The following HDX variants were observed in gnomAD, a reference collection of about 807,000 sequenced individuals.
The protein encoded by HDX is chromosome X open reading frame 43.
In HDX, 19 loss-of-function variants were observed where a neutral mutation model predicts 45.2. The ratio of observed to expected loss-of-function variants is 0.42; its 90% CI spans 0.29 to 0.62. The LOEUF is 0.62. HDX is among the 20% of genes least tolerant of loss of function. The probability of loss-of-function intolerance (pLI) is 0.20; values close to 1 mark genes in which losing one functional copy is unlikely to be tolerated. For missense variants in HDX, 532 were observed against 493.9 expected (o/e 1.08, Z -0.73); for synonymous variants, 188 against 172.8 (o/e 1.09, Z -0.69).
chrX:84,410,643 C>A (rs1008709999), intron 5 of HDX, among the ~76,000 whole-genome samples: 5 of 111,207 alleles, frequency 4.5e-5, no homozygotes, highest in African/African-American at 1.6e-4. Context: ...TGTTGTGTTT[C>A]GGCCACATTT....
intron 1 of HDX, among the ~76,000 whole-genome samples, chrX:84,489,339 C>A (rs2040852279): frequency 9.0e-6 from 1 of 111,606 alleles, no homozygotes; most frequent in Non-Finnish European, 1.9e-5. Flanking sequence ...GTTTAGTAAA[C>A]AAAACAACTG....
intron 5 of HDX, among the ~76,000 whole-genome samples, chrX:84,372,951 T>C: frequency 8.9e-6 from 1 of 112,025 alleles, no homozygotes; most frequent in Non-Finnish European, 1.9e-5. Context: ...GTATATAAAA[T>C]ACTCATAGTT....
chrX:84,403,714 A>G (rs1352671505), intron 5 of HDX, among the ~76,000 whole-genome samples: 2 of 112,112 alleles, frequency 1.8e-5, no homozygotes, highest in East Asian at 2.8e-4. Context: ...TTCAAAAATT[A>G]TGTACAATGT....
At chrX:84,390,874 T>G (rs991825172) in intron 5 of HDX, among the ~76,000 whole-genome samples, 1 of 111,758 alleles carries the variant, frequency 8.9e-6, no homozygotes, top group Non-Finnish European at 1.9e-5. Context: ...GGTACATGTA[T>G]TTGTTGCATG....
chrX:84,325,898 A>G (rs1324111203), intron 10 of HDX, among the ~76,000 whole-genome samples: 3 of 111,431 alleles, frequency 2.7e-5, no homozygotes, highest in Non-Finnish European at 5.7e-5. Context: ...ATTTTCAGAA[A>G]TTTCTTTGAA....
rs190497063 is a variant in HDX, at chrX:84,364,980, A to G, written c.1306-3368T>C. Among the ~76,000 whole-genome samples, 283 of 111,307 alleles carry G rather than the reference A, an allele frequency of 2.5e-3. 2 individuals are homozygous for G. Among genetic ancestry groups the G allele is most frequent in the African/African-American group, 9.0e-3 (274 of 30,612 alleles). ...AATAAAATTCCATTGTACATATATG[A>G]AACATTTTCTCTGTTTTTTTATCCC... On this transcript the variant is annotated intron_variant, in intron 5 of 10. Transcript: ENST00000373177.
At position 84,344,273 on chromosome X, in the gene HDX, C is replaced by T; in HGVS notation, c.1637G>A (p.Cys546Tyr). The change falls in exon 7 of 11, where the codon TGT becomes TAT. Residue 546 changes from cysteine (C) to tyrosine (Y), a missense_variant. By Grantham distance (194) the Cys-to-Tyr change is radical. Transcript: ENST00000373177. Reference protein sequence around the residue: ...DNDRNDEVSICLSEGSSQEEP... With the variant: ...DNDRNDEVSIYLSEGSSQEEP... ...ACCTTGAGAGCTTCCTTCAGACAAA[C>T]AGATGGATACTTCATCATTTCTGTC... 1 of 1,205,161 alleles carries T rather than the reference C, an allele frequency of 8.3e-7. No homozygotes were observed. The highest frequency in any genetic ancestry group is 1.8e-5 in the South Asian group (1 of 56,665).
At chrX:84,483,563 C>T (rs1192293341) in intron 2 of HDX, among the ~76,000 whole-genome samples, 4 of 112,047 alleles carry the variant, frequency 3.6e-5, no homozygotes, top group Non-Finnish European at 7.5e-5. Context: ...CTGGGCCTGG[C>T]CCATGAAACC....
At chrX:84,453,899 A>G (rs1279011797) in intron 4 of HDX, among the ~76,000 whole-genome samples, 1 of 111,899 alleles carries the variant, frequency 8.9e-6, no homozygotes, top group Non-Finnish European at 1.9e-5. Context: ...ACAATAAGAT[A>G]GTATCCAAGG....
chrX:84,354,930 CAT>C (rs72331919), intron 6 of HDX, among the ~76,000 whole-genome samples: 3,145 of 74,165 alleles, frequency 0.042, 59 homozygotes, highest in Non-Finnish European at 0.054. Flanking sequence ...CACACACACA[CAT>C]ATATATATAT....
At chrX:84,415,588 C>T (rs1421107934) in intron 5 of HDX, among the ~76,000 whole-genome samples, 2 of 111,900 alleles carry the variant, frequency 1.8e-5, no homozygotes, top group Non-Finnish European at 1.9e-5. Flanking sequence ...GTTTCCTTGG[C>T]CATAGAGACA....
chrX:84,354,292 A>G (rs2037424227), intron 6 of HDX, among the ~76,000 whole-genome samples: 1 of 111,854 alleles, frequency 8.9e-6, no homozygotes, highest in African/African-American at 3.2e-5. Flanking sequence ...AAAGCCCTGT[A>G]CATTTCTAAG....
chrX:84,341,958 G>T (rs919364685), intron 7 of HDX, among the ~76,000 whole-genome samples: 3 of 110,733 alleles, frequency 2.7e-5, no homozygotes, highest in Non-Finnish European at 5.7e-5. Context: ...TTCTTTCAAG[G>T]GCTCCCTTTT....
At chrX:84,497,637 A>C (rs991443773) in intron 1 of HDX, among the ~76,000 whole-genome samples, 16 of 110,729 alleles carry the variant, frequency 1.4e-4, no homozygotes, top group Middle Eastern at 4.7e-3. Context: ...TATTACAGGT[A>C]TTAGAGGTTC....
intron 5 of HDX, among the ~76,000 whole-genome samples, chrX:84,382,249 A>C (rs897702553): frequency 3.6e-5 from 4 of 111,740 alleles, no homozygotes; most frequent in Middle Eastern, 4.6e-3. Flanking sequence ...TGTTGGTGGA[A>C]ATGTAAATTA....
At chrX:84,365,812 T>C (rs1397950031) in intron 5 of HDX, among the ~76,000 whole-genome samples, 1 of 111,347 alleles carries the variant, frequency 9.0e-6, no homozygotes, top group Non-Finnish European at 1.9e-5. Flanking sequence ...ATTAATAAAC[T>C]AGGTATTGAT....
chrX:84,473,336 A>G (rs1426541503), intron 3 of HDX, among the ~76,000 whole-genome samples: 1 of 74,301 alleles, frequency 1.3e-5, no homozygotes, highest in Non-Finnish European at 2.3e-5. Context: ...ATATAACTCT[A>G]GCAAAGTATC....
intron 5 of HDX, among the ~76,000 whole-genome samples, chrX:84,395,723 C>A (rs2038546051): frequency 9.0e-6 from 1 of 111,197 alleles, no homozygotes; most frequent in South Asian, 3.7e-4. Context: ...ATATTTGGTC[C>A]CTTTATGGTG....
At chrX:84,375,877 T>C (rs907137229) in intron 5 of HDX, among the ~76,000 whole-genome samples, 4 of 111,613 alleles carry the variant, frequency 3.6e-5, no homozygotes, top group Admixed American at 2.8e-4. Flanking sequence ...ACATGTACCC[T>C]AAAACTTAAA....
Sources: gnomAD v4.1 joint callset for allele counts (sites outside exome capture counted in the v4.1 genomes callset) on GRCh38, gnomAD v4.1.1 for gene constraint, MANE v1.5 for transcripts, NCBI Gene and HGNC (gene_info 2026-07-23, HGNC 2026-07-21) for gene names.